Variants in GDI2 observed in about 807,000 individuals in gnomAD.
GDI2 encodes rab GDP dissociation inhibitor beta.
GDI2 carries 22 observed loss-of-function variants against 54.2 expected under a neutral mutation model. The ratio of observed to expected loss-of-function variants is 0.41; its 90% CI spans 0.29 to 0.58. The LOEUF (loss-of-function observed/expected upper bound fraction) is 0.58. GDI2 is among the 20% of genes least tolerant of loss of function. The pLI is 0.35. For synonymous variants in GDI2, 177 were observed against 182.1 expected (o/e 0.97, Z 0.23); for missense variants, 422 against 546.0 (o/e 0.77, Z 2.26).
chr10:5,789,021 C>T (rs151009783), intron 4 of GDI2, among the ~76,000 whole-genome samples: 11 of 152,220 alleles, frequency 7.2e-5, no homozygotes, highest in African/African-American at 2.4e-4. Context: ...CCTGCCTCAG[C>T]CTCCCAAAGT....
chr10:5,801,363 G>A (rs1002880469), intron 1 of GDI2, among the ~76,000 whole-genome samples: 1 of 152,082 alleles, frequency 6.6e-6, no homozygotes, highest in Admixed American at 6.6e-5. Flanking sequence ...AGTCTTCATC[G>A]CCAGGCATTC....
chr10:5,793,838 G>A (rs1841068914), intron 4 of GDI2, among the ~76,000 whole-genome samples: 1 of 152,020 alleles, frequency 6.6e-6, no homozygotes, highest in Non-Finnish European at 1.5e-5. Flanking sequence ...CTTTGGTGAG[G>A]CAACAGAGGA....
intron 6 of GDI2, 147 bp downstream of exon 6, chr10:5,784,995 T>C (rs1840841450): frequency 1.5e-5 from 5 of 323,784 alleles, no homozygotes; most frequent in Non-Finnish European, 2.2e-5. Flanking sequence ...ATGCATATCA[T>C]TATATGTTAA....
At chr10:5,797,136 G>A (rs1349426836) in intron 2 of GDI2, among the ~76,000 whole-genome samples, 3 of 152,134 alleles carry the variant, frequency 2.0e-5, no homozygotes, top group Non-Finnish European at 4.4e-5. Context: ...AAGGCCAGAC[G>A]CAATGGCTCA....
At chr10:5,798,068 C>A (rs1384646763) in intron 2 of GDI2, among the ~76,000 whole-genome samples, 1 of 152,180 alleles carries the variant, frequency 6.6e-6, no homozygotes, top group Non-Finnish European at 1.5e-5. Context: ...AAGGTACACC[C>A]ATAACATCAC....
At chr10:5,798,629 A>G (rs1269303667) in intron 2 of GDI2, among the ~76,000 whole-genome samples, 2 of 151,874 alleles carry the variant, frequency 1.3e-5, no homozygotes, top group Non-Finnish European at 2.9e-5. Flanking sequence ...CCCTCAATAC[A>G]TCTGGGGAGA....
intron 3 of GDI2, 26 bp from the exon 4 acceptor site, chr10:5,795,045 A>G (rs370639244): frequency 2.5e-5 from 37 of 1,462,334 alleles, no homozygotes; most frequent in Non-Finnish European, 3.4e-5. Context: ...AATTCAAACT[A>G]TAACTTAAGT....
At chr10:5,790,751 GA>G (rs1448581358) in intron 4 of GDI2, among the ~76,000 whole-genome samples, 1 of 151,998 alleles carries the variant, frequency 6.6e-6, no homozygotes, top group African/African-American at 2.4e-5. Context: ...AGTAGTTTCA[GA>G]AGTGTCAAAA....
intron 4 of GDI2, among the ~76,000 whole-genome samples, chr10:5,791,789 G>T (rs376993861): frequency 6.6e-6 from 1 of 151,050 alleles, no homozygotes; most frequent in Non-Finnish European, 1.5e-5. Flanking sequence ...GGTGGCGTGC[G>T]CCTGTAATCC....
chr10:5,767,075 C>A (rs186637615), intron 8 of GDI2, among the ~76,000 whole-genome samples: 10 of 152,284 alleles, frequency 6.6e-5, no homozygotes, highest in African/African-American at 2.4e-4. Context: ...ACATAAACCA[C>A]TTTTGAGTTG....
rs189108816 is a variant in GDI2 at position 5,806,418 on chromosome 10, A to C, written c.46-5713T>G. On this transcript the variant is annotated intron_variant, in intron 1 of 10. Coordinates refer to ENST00000380191, the MANE Select transcript of GDI2 (RefSeq NM_001494.4). The stretch of plus-strand genomic sequence containing the variant: ...CAAAAGAAAATTTAAAAAAAAAAAA[A>C]CAAAAAAACGTTTACTGATGATCAA... 4.1e-3 allele frequency among the ~76,000 whole-genome samples: 613 copies of C among 151,240 alleles called. 4 individuals are homozygous for C. The highest frequency in any genetic ancestry group is 0.014 in the African/African-American group (562 of 41,394).
rs1301051704 is a variant in GDI2, at chr10:5,771,003, G to A, written c.820-2619C>T. On this transcript the variant is annotated intron_variant, in intron 7 of 10. Transcript: ENST00000380191. ...AAAAAAAAAAGATGGTAAATTTTAT[G>A]GGTACTTTATCACAAAAAAAAAAAA... Among the ~76,000 whole-genome samples the A allele has an allele frequency of 4.3e-5, 6 of 141,110 alleles. No individual in the cohort carries two copies. The South Asian group carries it at 1.1e-3, about 27-fold the overall frequency. 92.6% of individuals were successfully genotyped at this position (141,110 alleles called of 152,430 possible).
Position 5,800,615 on chromosome 10 carries a change from T to G in GDI2, c.136A>C (p.Ile46Leu). The change falls in exon 2 of 11, where the codon ATA becomes CTA. Residue 46 changes from isoleucine (I) to leucine (L), a missense_variant. Ile to Leu is a conservative substitution (Grantham distance 5). Coordinates refer to ENST00000380191, the MANE Select transcript of GDI2 (RefSeq NM_001494.4). ...NPYYGGESASITPLEDLYKRF... is the reference protein window; with the variant it reads ...NPYYGGESASLTPLEDLYKRF... ...ACACTTACATCTTCCAATGGTGTTA[T>G]AGATGCACTCTCTCCTCCGTAGTAA... The G allele has an allele frequency of 6.4e-7, 1 of 1,551,134 alleles. No homozygotes were observed. Among genetic ancestry groups the G allele is most frequent in the Middle Eastern group, 1.7e-4 (1 of 5,940 alleles).
At chr10:5,813,090 T>G in intron 1 of GDI2, 124 bp downstream of exon 1, 1 of 577,228 alleles carries the variant, frequency 1.7e-6, no homozygotes, top group Non-Finnish European at 2.9e-6. Flanking sequence ...ACGACTCCCG[T>G]CCCGAAAACT....
At chr10:5,796,161 C>T (rs1484946321) in intron 3 of GDI2, among the ~76,000 whole-genome samples, 1 of 151,960 alleles carries the variant, frequency 6.6e-6, no homozygotes. Context: ...ACCAGCCTGG[C>T]CAACATGGTA....
At chr10:5,787,228 G>C (rs974029431) in intron 4 of GDI2, among the ~76,000 whole-genome samples, 6 of 152,266 alleles carry the variant, frequency 3.9e-5, no homozygotes, top group African/African-American at 1.4e-4. Flanking sequence ...GGCTGGTCAG[G>C]TCGTAGTGGC....
rs146079005 is a variant in GDI2, at chr10:5,774,503, T to C, written c.720-562A>G. Among the ~76,000 whole-genome samples the C allele has an allele frequency of 2.0e-5, 3 of 152,224 alleles. No individual in the cohort carries two copies. The highest frequency in any genetic ancestry group is 4.4e-5 in the Non-Finnish European group (3 of 68,000). ...TTTGGCTGGAGGCGTTCAACCCCCA[T>C]ACACGGTTTTCTTCTCCCCTTTCCA... On this transcript the variant is annotated intron_variant, in intron 6 of 10. Transcript: ENST00000380191. The surrounding 1 kb of genome is among the most constrained non-coding windows in gnomAD (Gnocchi z 4.8).
chr10:5,798,163 T>C (rs896806421), intron 2 of GDI2, among the ~76,000 whole-genome samples: 29 of 152,158 alleles, frequency 1.9e-4, no homozygotes, highest in African/African-American at 7.0e-4. Flanking sequence ...CTCAAATTAA[T>C]TTATAATTCA....
intron 2 of GDI2, among the ~76,000 whole-genome samples, chr10:5,798,731 A>G (rs1218654347): frequency 1.3e-5 from 2 of 152,154 alleles, no homozygotes; most frequent in African/African-American, 4.8e-5. Flanking sequence ...TAACCGCAGC[A>G]CTTTGGAAGG....
Sources: allele counts gnomAD v4.1 joint callset (sites outside exome capture counted in the v4.1 genomes callset), GRCh38; gene constraint gnomAD v4.1.1; non-coding constraint Gnocchi (gnomAD v3.1); transcripts MANE v1.5; gene names NCBI Gene and HGNC (gene_info 2026-07-23, HGNC 2026-07-21).